Variants in SCHIP1 observed in about 807,000 individuals in gnomAD.
SCHIP1 encodes schwannomin interacting protein 1.
SCHIP1 carries 8 observed loss-of-function variants against 29.7 expected under a neutral mutation model. The observed-to-expected ratio is 0.27, with a 90% confidence interval of 0.16 to 0.49. SCHIP1 has a LOEUF of 0.49. SCHIP1 is among the 20% of genes least tolerant of loss of function. The pLI is 0.99. For missense variants in SCHIP1, 193 were observed against 294.6 expected (o/e 0.66, Z 2.52); for synonymous variants, 76 against 94.9 (o/e 0.80, Z 1.16).
At chr3:159,565,708 A>G in the SCHIP1 span, among the ~76,000 whole-genome samples, 1 of 152,242 alleles carries the variant, frequency 6.6e-6, no homozygotes, top group Admixed American at 6.5e-5. Context: ...TTTTGTAAGG[A>G]AAAGCTGGAT....
At chr3:159,870,126 T>C (rs1715095363) in intron 2 of SCHIP1, among the ~76,000 whole-genome samples, 1 of 151,970 alleles carries the variant, frequency 6.6e-6, no homozygotes, top group South Asian at 2.1e-4. Flanking sequence ...CTAATAAAGT[T>C]GTCTGTAGAT....
the SCHIP1 span, among the ~76,000 whole-genome samples, chr3:159,523,596 T>G: frequency 7.2e-5 from 11 of 152,172 alleles, no homozygotes; most frequent in Admixed American, 3.3e-4. Flanking sequence ...TGATATAGTA[T>G]CACTTTTAGG....
chr3:159,692,531 T>C, the SCHIP1 span, among the ~76,000 whole-genome samples: 1 of 152,230 alleles, frequency 6.6e-6, no homozygotes, highest in African/African-American at 2.4e-5. Context: ...TTGATATTTG[T>C]TTATGCTTCA....
At chr3:159,637,534 G>C in the SCHIP1 span, among the ~76,000 whole-genome samples, 8 of 152,082 alleles carry the variant, frequency 5.3e-5, no homozygotes, top group African/African-American at 1.9e-4. Context: ...CATTAGCCAG[G>C]CAGGAAGGAC....
At chr3:159,425,281 T>C in the SCHIP1 span, among the ~76,000 whole-genome samples, 5 of 152,124 alleles carry the variant, frequency 3.3e-5, no homozygotes, top group Admixed American at 3.3e-4. Context: ...ATCAATGTGC[T>C]GTATTCAGGA....
At chr3:159,511,511 C>G in the SCHIP1 span, among the ~76,000 whole-genome samples, 1 of 152,222 alleles carries the variant, frequency 6.6e-6, no homozygotes, top group Non-Finnish European at 1.5e-5. Flanking sequence ...GTGAGATGAA[C>G]TCGGTACCTC....
At chr3:159,376,460 C>T in the SCHIP1 span, among the ~76,000 whole-genome samples, 2 of 152,166 alleles carry the variant, frequency 1.3e-5, no homozygotes, top group African/African-American at 4.8e-5. Context: ...CAACTTTACC[C>T]TTCATCCTGG....
the SCHIP1 span, chr3:159,763,739 G>A: frequency 6.6e-6 from 1 of 152,294 alleles, no homozygotes; most frequent in Admixed American, 6.5e-5. Context: ...GCCCCGGCCA[G>A]GCACACCTTT....
chr3:159,312,854 A>T, the SCHIP1 span, among the ~76,000 whole-genome samples: 1 of 152,206 alleles, frequency 6.6e-6, no homozygotes, highest in Non-Finnish European at 1.5e-5. Flanking sequence ...CAGAACAAGG[A>T]TAAACACCAT....
intron 3 of SCHIP1, chr3:159,887,326 T>G (rs764923302): frequency 2.1e-4 from 40 of 188,536 alleles, no homozygotes; most frequent in Non-Finnish European, 3.8e-4. Flanking sequence ...TTGAGTGCAG[T>G]GCGACATCAG....
chr3:159,630,485 T>G, the SCHIP1 span, among the ~76,000 whole-genome samples: 1 of 152,156 alleles, frequency 6.6e-6, no homozygotes, highest in African/African-American at 2.4e-5. Flanking sequence ...ATATACACCA[T>G]GGAATACTAC....
At chr3:159,575,073 C>T in the SCHIP1 span, among the ~76,000 whole-genome samples, 5 of 152,304 alleles carry the variant, frequency 3.3e-5, no homozygotes, top group African/African-American at 1.2e-4. Flanking sequence ...TGAGGTGATG[C>T]CCCGCCCTGC....
At chr3:159,793,767 A>G in the SCHIP1 span, among the ~76,000 whole-genome samples, 1 of 152,222 alleles carries the variant, frequency 6.6e-6, no homozygotes, top group Non-Finnish European at 1.5e-5. Context: ...CATGTTGCCC[A>G]GGCTGGTCTC....
At chr3:159,682,437 A>G in the SCHIP1 span, among the ~76,000 whole-genome samples, 1 of 152,176 alleles carries the variant, frequency 6.6e-6, no homozygotes, top group African/African-American at 2.4e-5. Flanking sequence ...GCTTAATTAT[A>G]TCATGCCTAT....
At chr3:159,769,466 T>C in the SCHIP1 span, among the ~76,000 whole-genome samples, 221 of 152,298 alleles carry the variant, frequency 1.5e-3, 1 homozygote, top group African/African-American at 4.7e-3. Context: ...AATAGCTTTA[T>C]TGGCCAGGCA....
chr3:159,703,101 GC>G, the SCHIP1 span, among the ~76,000 whole-genome samples: 2 of 152,190 alleles, frequency 1.3e-5, no homozygotes, highest in East Asian at 3.8e-4. Flanking sequence ...TGAATTCATA[GC>G]ATTGATCTTA....
chr3:159,506,265 CTTAT>C, the SCHIP1 span, among the ~76,000 whole-genome samples: 4 of 152,186 alleles, frequency 2.6e-5, no homozygotes, highest in East Asian at 3.8e-4. Flanking sequence ...GCATAAATGT[CTTAT>C]TTGAGAAGTG....
At chr3:159,280,469 C>T in the SCHIP1 span, among the ~76,000 whole-genome samples, 8 of 152,134 alleles carry the variant, frequency 5.3e-5, no homozygotes, top group Admixed American at 1.3e-4. Context: ...GCAGGGCCAT[C>T]GCTCAGACAT....
the SCHIP1 span, among the ~76,000 whole-genome samples, chr3:159,328,191 C>G: frequency 6.6e-6 from 1 of 152,166 alleles, no homozygotes; most frequent in South Asian, 2.1e-4. Context: ...AGTTCTCAAG[C>G]CACAAAACAT....
Sources: gnomAD v4.1 joint callset for allele counts (sites outside exome capture counted in the v4.1 genomes callset) on GRCh38, gnomAD v4.1.1 for gene constraint, MANE v1.5 for transcripts, NCBI Gene and HGNC (gene_info 2026-07-23, HGNC 2026-07-21) for gene names.